The following TOGARAM1 variants were observed in gnomAD, a reference collection of about 807,000 sequenced individuals.
TOGARAM1 encodes TOG array regulator of axonemal microtubules 1.
In TOGARAM1, 100 loss-of-function variants were observed where a neutral mutation model predicts 166.6. The ratio of observed to expected loss-of-function variants is 0.60; its 90% confidence interval spans 0.51 to 0.71. The LOEUF (loss-of-function observed/expected upper bound fraction) is 0.71, where lower values mean the gene tolerates loss of function less well. Among genes scored for constraint, TOGARAM1 ranks in the 30% least tolerant of loss-of-function variants. The pLI, the probability that TOGARAM1 is intolerant of heterozygous loss-of-function variation, is 0.00. For missense variants in TOGARAM1, 2,029 were observed against 2,102.7 expected (o/e 0.96, Z 0.69); for synonymous variants, 758 against 763.8 (o/e 0.99, Z 0.13).
In TOGARAM1 at chr14:44,962,471, TCTCTA is replaced by T. The variant is rs1302451610; in HGVS notation, c.52_56del (p.Ser18LeufsTer16). 2 of 1,605,378 alleles carry T rather than the reference TCTCTA, an allele frequency of 1.2e-6. No homozygotes were observed. Among genetic ancestry groups the T allele is most frequent in the Non-Finnish European group, 1.7e-6 (2 of 1,176,412 alleles). ...CTTCTGCTGCCGCCCTTTCCAGTCC[TCTCTA>T]CCTATCGGCTCCAGAGCCGCAGTCG... On this transcript the variant is annotated frameshift_variant, in exon 1 of 20. Transcript: ENST00000361462. LOFTEE classifies it high-confidence loss of function.
chr14:44,967,883 T>C (rs1885644611), intron 1 of TOGARAM1, among the ~76,000 whole-genome samples: 1 of 152,196 alleles, frequency 6.6e-6, no homozygotes, highest in African/African-American at 2.4e-5. Flanking sequence ...AATCTGGTTA[T>C]ATGTTATTTC....
At chr14:45,018,405 A>C (rs1012425379) in intron 7 of TOGARAM1, among the ~76,000 whole-genome samples, 1 of 152,040 alleles carries the variant, frequency 6.6e-6, no homozygotes, top group Non-Finnish European at 1.5e-5. Context: ...ACGCCTGGGT[A>C]ATTTATTTTG....
intron 1 of TOGARAM1, among the ~76,000 whole-genome samples, chr14:44,983,144 A>G (rs926157939): frequency 6.6e-6 from 1 of 152,200 alleles, no homozygotes; most frequent in Non-Finnish European, 1.5e-5. Flanking sequence ...TTAAACATGC[A>G]AAATGCAGGA....
At chr14:45,003,974 C>T in intron 3 of TOGARAM1, 87 bp from the exon 4 acceptor site, 1 of 1,096,852 alleles carries the variant, frequency 9.1e-7, no homozygotes, top group Non-Finnish European at 1.3e-6. Context: ...GGATGAAAAC[C>T]TGAATGGGAA....
chr14:44,962,467 G>A lies in TOGARAM1; in HGVS notation c.46G>A (p.Val16Ile). 6.3e-7 allele frequency: 1 copy of A among 1,598,712 alleles called. No individual in the cohort carries two copies. The highest frequency in any genetic ancestry group is 8.5e-7 in the Non-Finnish European group (1 of 1,172,858). ...SALLLLPPFP[V>I]LSTYRLQSRS... ...GCTGCTTCTGCTGCCGCCCTTTCCA[G>A]TCCTCTCTACCTATCGGCTCCAGAG... Residue 16 changes from valine (V) to isoleucine (I), a missense_variant, in exon 1 of 20, where the codon GTC (valine) becomes ATC (isoleucine). Transcript: ENST00000361462.
chr14:44,969,015 A>G (rs1013928082), intron 1 of TOGARAM1, among the ~76,000 whole-genome samples: 4 of 152,118 alleles, frequency 2.6e-5, no homozygotes, highest in Admixed American at 2.6e-4. Context: ...GTTATACAGT[A>G]GCTTGCATTT....
chr14:45,046,262 C>T (rs190967500), intron 13 of TOGARAM1, among the ~76,000 whole-genome samples: 8 of 152,196 alleles, frequency 5.3e-5, no homozygotes, highest in South Asian at 2.1e-4. Context: ...AGTAAGACCT[C>T]GTCTGTACTA....
intron 16 of TOGARAM1, among the ~76,000 whole-genome samples, chr14:45,063,479 G>GTTGTT (rs1882992970): frequency 8.4e-6 from 1 of 118,690 alleles, no homozygotes; most frequent in African/African-American, 3.6e-5. Context: ...ATTTGACAAA[G>GTTGTT]TTTTTTTTTT....
rs1880867362 is a variant in TOGARAM1, at chr14:45,026,786, TC to T, written c.3329-512del. Among the ~76,000 whole-genome samples, 7 of 148,890 alleles carry T rather than the reference TC, an allele frequency of 4.7e-5. No individual in the cohort carries two copies. In the South Asian group the frequency reaches 1.0e-3, roughly 22 times the overall value. On this transcript the variant is annotated intron_variant, in intron 8 of 19. Coordinates refer to ENST00000361462, the MANE Select transcript of TOGARAM1 (RefSeq NM_001308120.2). Reference sequence around the variant, plus strand: ...GCCCAGGCGGGCAGATCACTTGAACTCAAGAGTTCAAGACCAGCCTGGACAA... The same window carrying T: ...GCCCAGGCGGGCAGATCACTTGAACTAAGAGTTCAAGACCAGCCTGGACAA...
intron 13 of TOGARAM1, 48 bp downstream of exon 13, chr14:45,044,918 G>A (rs1881912160): frequency 7.2e-7 from 1 of 1,379,380 alleles, no homozygotes; most frequent in South Asian, 1.3e-5. Flanking sequence ...AAAATGAAAT[G>A]TTGCAATCGG....
In TOGARAM1 at chr14:44,962,401, A is replaced by G. The variant is rs1279563760; in HGVS notation, c.-21A>G. 1 of 1,523,582 alleles carries G rather than the reference A, an allele frequency of 6.6e-7. No individual in the cohort carries two copies. Among genetic ancestry groups the G allele is most frequent in the Non-Finnish European group, 8.8e-7 (1 of 1,140,988 alleles). 94.4% of individuals were successfully genotyped at this position (1,523,582 alleles called of 1,614,324 possible). On this transcript the variant is annotated 5_prime_UTR_variant, in exon 1 of 20. Transcript: ENST00000361462. ...GAGACGGCAATGGTTTCTTCCAACC[A>G]CCACCACCTGACAACCCTGCATGGC...
In TOGARAM1 at chr14:45,044,623, ATT is replaced by A; in HGVS notation, c.3919-4_3919-3del. On this transcript the variant is annotated splice_polypyrimidine_tract_variant and intron_variant, in intron 12 of 19. Transcript: ENST00000361462. Reference sequence around the variant, plus strand: ...AATATCAGCAAAATGTACATTTTGAATTTTTTTTTAGGTGAAAAATTTACGTT... The same window carrying A: ...AATATCAGCAAAATGTACATTTTGAATTTTTTTAGGTGAAAAATTTACGTT... 1 of 1,536,194 alleles carries A rather than the reference ATT, an allele frequency of 6.5e-7. No individual in the cohort carries two copies. Among genetic ancestry groups the A allele is most frequent in the South Asian group, 1.2e-5 (1 of 83,230 alleles).
intron 1 of TOGARAM1, among the ~76,000 whole-genome samples, chr14:44,985,048 C>T (rs867944721): frequency 1.5e-4 from 23 of 151,612 alleles, no homozygotes; most frequent in Admixed American, 3.3e-4. Flanking sequence ...GAGTCTCGCT[C>T]TGTCACCCAG....
At position 44,962,800 on chromosome 14, in the gene TOGARAM1, C is replaced by G; in HGVS notation, c.379C>G (p.Leu127Val). Residue 127 changes from leucine to valine, a missense_variant, in exon 1 of 20, where the codon CTT becomes GTT. This residue lies in a region of TOGARAM1 where 1,453 missense variants were observed against 1,432.2 expected (regional missense o/e 1.01). Transcript: ENST00000361462. ...TGCTTTGCCGCGGCGGGGCGGTCGA[C>G]TTGGCTTCCCCCGACGCAAGGAAGC... The part of the protein sequence containing the change: ...QAALPRRGGR[L>V]GFPRRKEALY... 6.2e-7 allele frequency: 1 copy of G among 1,612,528 alleles called. No individual in the cohort carries two copies. The highest frequency in any genetic ancestry group is 8.5e-7 in the Non-Finnish European group (1 of 1,180,006).
chr14:44,983,630 G>A (rs557839037), intron 1 of TOGARAM1, among the ~76,000 whole-genome samples: 10 of 152,204 alleles, frequency 6.6e-5, no homozygotes, highest in Admixed American at 2.6e-4. Context: ...AAGAATGTGG[G>A]ATTTAGAACA....
chr14:44,996,024 T>C, intron 2 of TOGARAM1, 122 bp downstream of exon 2: 2 of 686,328 alleles, frequency 2.9e-6, no homozygotes, highest in Non-Finnish European at 4.5e-6. Flanking sequence ...AAGTTATTTA[T>C]TGAAGATCTG....
chr14:45,035,470 C>T (rs1881378814), intron 11 of TOGARAM1, among the ~76,000 whole-genome samples: 1 of 151,784 alleles, frequency 6.6e-6, no homozygotes, highest in South Asian at 2.1e-4. Context: ...TTGGAGTTAC[C>T]AGACAGAGAA....
chr14:45,008,050 A>G (rs1879566638), intron 5 of TOGARAM1: 1 of 152,182 alleles, frequency 6.6e-6, no homozygotes. Context: ...TTTGCCTTCC[A>G]ACTATGAAGA....
At chr14:45,068,728 G>C (rs1883249404) in intron 18 of TOGARAM1, 85 bp downstream of exon 18, 2 of 956,116 alleles carry the variant, frequency 2.1e-6, no homozygotes, top group Non-Finnish European at 3.0e-6. Flanking sequence ...TTGTAATGCT[G>C]AAATCCTAGT....
Sources: allele counts gnomAD v4.1 joint callset (sites outside exome capture counted in the v4.1 genomes callset), GRCh38; gene constraint gnomAD v4.1.1; regional missense constraint gnomAD v4.1.1; transcripts MANE v1.5; gene names NCBI Gene and HGNC (gene_info 2026-07-23, HGNC 2026-07-21).